PTPRN2: variants seen among roughly 807,000 people sequenced by gnomAD.
PTPRN2 encodes the protein receptor-type tyrosine-protein phosphatase N2.
A neutral mutation model predicts 118.8 loss-of-function variants in PTPRN2; 74 were observed. The observed-to-expected ratio is 0.62, with a 90% CI of 0.52 to 0.76. The LOEUF is 0.76. Among genes scored for constraint, PTPRN2 ranks in the 30% least tolerant of loss-of-function variants. The probability of loss-of-function intolerance (pLI) is 0.00; values close to 1 mark genes in which losing one functional copy is unlikely to be tolerated. For synonymous variants in PTPRN2, 641 were observed against 608.0 expected (o/e 1.05, Z -0.80); for missense variants, 1,481 against 1,394.4 (o/e 1.06, Z -0.99).
In PTPRN2 at chr7:157,830,819, A is replaced by G. The variant is rs561148840; in HGVS notation, c.1788+67854T>C. Among the ~76,000 whole-genome samples, 20 of 152,384 alleles carry G rather than the reference A, an allele frequency of 1.3e-4. No individual in the cohort carries two copies. In the South Asian group the frequency reaches 4.1e-3, roughly 32 times the overall value. ...GCATTCACCCTTGATTGGAATCTGG[A>G]TTAAAAATAAAAAGCAAGCTATTGG... On this transcript the variant is annotated intron_variant, in intron 12 of 22. Coordinates refer to ENST00000389418, the MANE Select transcript of PTPRN2 (RefSeq NM_002847.5).
intron 3 of PTPRN2, among the ~76,000 whole-genome samples, chr7:158,300,024 A>T (rs1389578636): frequency 6.6e-6 from 1 of 152,214 alleles, no homozygotes; most frequent in African/African-American, 2.4e-5. Context: ...CCCAAGAAAC[A>T]CATTTTTCCC....
intron 10 of PTPRN2, among the ~76,000 whole-genome samples, chr7:158,094,519 G>A (rs1814469545): frequency 6.6e-6 from 1 of 152,024 alleles, no homozygotes; most frequent in Non-Finnish European, 1.5e-5. Flanking sequence ...ATGTTGGCCA[G>A]GCTGGTCTCG....
chr7:158,010,050 T>C (rs992782623), intron 11 of PTPRN2, among the ~76,000 whole-genome samples: 2 of 152,166 alleles, frequency 1.3e-5, no homozygotes, highest in African/African-American at 4.8e-5. Flanking sequence ...GCCATGCCCC[T>C]GCAGGACCCC....
At chr7:158,389,777 T>C (rs1268580269) in intron 2 of PTPRN2, among the ~76,000 whole-genome samples, 1 of 152,248 alleles carries the variant, frequency 6.6e-6, no homozygotes, top group Non-Finnish European at 1.5e-5. Flanking sequence ...TAAACGCAAG[T>C]TCTGTCCTTC....
rs113992078 is a variant in PTPRN2, at chr7:158,166,735, T to C, written c.910+196A>G. On this transcript the variant is annotated intron_variant, in intron 6 of 22. Transcript: ENST00000389418. ...GTTCCCAGGACGTGAAATGACCACA[T>C]ACTCCTTCCCAGCACAGAGAGGGTA... Among the ~76,000 whole-genome samples the C allele has an allele frequency of 3.3e-3, 501 of 152,292 alleles. 2 individuals carry two copies. Among genetic ancestry groups the C allele is most frequent in the Middle Eastern group, 0.01 (3 of 294 alleles).
chr7:157,623,061 G>A (rs770818743), intron 14 of PTPRN2, among the ~76,000 whole-genome samples: 14 of 152,310 alleles, frequency 9.2e-5, no homozygotes, highest in East Asian at 5.8e-4. Context: ...GAGATGTCTC[G>A]AGTTGTGAAA....
chr7:158,251,639 G>A (rs1318594482), intron 3 of PTPRN2, among the ~76,000 whole-genome samples: 1 of 120,434 alleles, frequency 8.3e-6, no homozygotes, highest in Non-Finnish European at 1.7e-5. Context: ...TGTCTATGGT[G>A]CACATGTGGT....
intron 1 of PTPRN2, among the ~76,000 whole-genome samples, chr7:158,505,727 G>T (rs973262154): frequency 2.1e-5 from 3 of 140,356 alleles, no homozygotes; most frequent in Admixed American, 7.1e-5. Flanking sequence ...CGGGGTGGGA[G>T]GGGGGTGGGG....
intron 11 of PTPRN2, among the ~76,000 whole-genome samples, chr7:158,014,982 T>C (rs1464728586): frequency 1.3e-5 from 2 of 152,238 alleles, no homozygotes; most frequent in African/African-American, 4.8e-5. Context: ...CATTTCCTAA[T>C]TTTTAAGAGA....
rs995021527 is a variant in PTPRN2 at position 157,987,146 on chromosome 7, C to T, written c.1724-88409G>A. ...AAACAGCTGCACTGCCCCAGCACGC[C>T]GCCCACGCTTGGTCGGCAACACAGA... On this transcript the variant is annotated intron_variant, in intron 11 of 22. Transcript: ENST00000389418. The surrounding 1 kb of genome is among the most constrained non-coding windows in gnomAD (Gnocchi z 4.3). 3.3e-5 allele frequency among the ~76,000 whole-genome samples: 5 copies of T among 152,164 alleles called. No individual in the cohort carries two copies. Among genetic ancestry groups the T allele is most frequent in the African/African-American group, 9.7e-5 (4 of 41,448 alleles).
intron 12 of PTPRN2, among the ~76,000 whole-genome samples, chr7:157,710,674 C>T (rs1300711271): frequency 2.0e-5 from 3 of 152,192 alleles, no homozygotes; most frequent in African/African-American, 7.2e-5. Context: ...CCCTTTCAGC[C>T]CTGCCATCTG....
At chr7:158,213,620 G>A (rs1827765557) in intron 3 of PTPRN2, among the ~76,000 whole-genome samples, 1 of 152,062 alleles carries the variant, frequency 6.6e-6, no homozygotes, top group Non-Finnish European at 1.5e-5. Context: ...TATCCCATTT[G>A]CCAAAGCAAC....
intron 2 of PTPRN2, among the ~76,000 whole-genome samples, chr7:158,332,462 A>G (rs1477887998): frequency 6.8e-6 from 1 of 148,056 alleles, no homozygotes; most frequent in African/African-American, 2.5e-5. Flanking sequence ...CTCTCACCAT[A>G]AGAGGTGACA....
chr7:158,488,922 G>A (rs1466960556), intron 2 of PTPRN2, among the ~76,000 whole-genome samples: 1 of 152,240 alleles, frequency 6.6e-6, no homozygotes, highest in Non-Finnish European at 1.5e-5. Context: ...TCCCCTGCGC[G>A]TTCAGAGCGC....
At chr7:158,347,627 A>G (rs1163003678) in intron 2 of PTPRN2, among the ~76,000 whole-genome samples, 1 of 152,102 alleles carries the variant, frequency 6.6e-6, no homozygotes, top group Non-Finnish European at 1.5e-5. Context: ...TTGCTTTTCT[A>G]TTTCTGTAAA....
At chr7:157,823,021 T>A (rs1398420449) in intron 12 of PTPRN2, among the ~76,000 whole-genome samples, 1 of 151,968 alleles carries the variant, frequency 6.6e-6, no homozygotes, top group Non-Finnish European at 1.5e-5. Flanking sequence ...CATGCACCCA[T>A]CCATCTTTCT....
intron 2 of PTPRN2, among the ~76,000 whole-genome samples, chr7:158,393,943 C>A (rs1186617527): frequency 6.6e-6 from 1 of 151,784 alleles, no homozygotes; most frequent in African/African-American, 2.4e-5. Context: ...GCTCTGGGAC[C>A]CCCACCCTTC....
chr7:158,324,871 G>A (rs1803358437), intron 2 of PTPRN2, among the ~76,000 whole-genome samples: 1 of 152,152 alleles, frequency 6.6e-6, no homozygotes, highest in Non-Finnish European at 1.5e-5. Context: ...GCCACACTTT[G>A]CTTAGGTGAT....
At chr7:158,132,079 C>CAT (rs1227942379) in intron 9 of PTPRN2, among the ~76,000 whole-genome samples, 3 of 151,108 alleles carry the variant, frequency 2.0e-5, no homozygotes, top group African/African-American at 4.9e-5. Flanking sequence ...ATCTACCTGA[C>CAT]ACACACACAC....
Sources: gnomAD v4.1 joint callset for allele counts (sites outside exome capture counted in the v4.1 genomes callset) on GRCh38, gnomAD v4.1.1 for gene constraint, Gnocchi (gnomAD v3.1) non-coding constraint, MANE v1.5 for transcripts, NCBI Gene and HGNC (gene_info 2026-07-23, HGNC 2026-07-21) for gene names.